Variants in DCAF10 observed in about 807,000 individuals in gnomAD.
DCAF10 encodes the protein DDB1 and CUL4 associated factor 10.
A neutral mutation model predicts 51.9 loss-of-function variants in DCAF10; 19 were observed. The observed-to-expected ratio is 0.37, with a 90% CI of 0.26 to 0.54. The LOEUF (loss-of-function observed/expected upper bound fraction) is 0.54. Ranked by LOEUF, DCAF10 falls within the 20% of genes least tolerant of loss-of-function variation. The pLI is 0.87. For missense variants in DCAF10, 510 were observed against 730.6 expected (o/e 0.70, Z 3.48); for synonymous variants, 291 against 297.1 (o/e 0.98, Z 0.21).
chr9:37,845,198 A>G (rs1429262225), intron 3 of DCAF10, among the ~76,000 whole-genome samples: 1 of 152,226 alleles, frequency 6.6e-6, no homozygotes, highest in Admixed American at 6.5e-5. Context: ...ACTGGAAAAA[A>G]GTAAAAGGAT....
chr9:37,832,533 G>A (rs957244360), intron 2 of DCAF10, among the ~76,000 whole-genome samples: 4 of 152,076 alleles, frequency 2.6e-5, no homozygotes, highest in Non-Finnish European at 5.9e-5. Flanking sequence ...CTTTGTTGGC[G>A]TGCTGCTGAT....
At position 37,863,688 on chromosome 9, in the gene DCAF10, C is replaced by A. The variant is rs1291890694; in HGVS notation, c.*2180C>A. 1 of 152,126 alleles carries A rather than the reference C, an allele frequency of 6.6e-6. No individual in the cohort carries two copies. The highest frequency in any genetic ancestry group is 1.5e-5 in the Non-Finnish European group (1 of 68,018). The allele number at this position is 152,126 out of a possible 1,614,324, so 9.4% of individuals were successfully genotyped here. A position where few individuals can be genotyped will look rare whatever the true frequency, so the allele number is the denominator to read the frequency against. On this transcript the variant is annotated 3_prime_UTR_variant, in exon 7 of 7. Coordinates refer to ENST00000377724, the MANE Select transcript of DCAF10 (RefSeq NM_024345.5). Reference sequence around the variant, plus strand: ...AACTGGCCAATAGATTTTAGAAAGGCAGGCATGGGAGTAGATGCTGAGAAT... The same window carrying A: ...AACTGGCCAATAGATTTTAGAAAGGAAGGCATGGGAGTAGATGCTGAGAAT...
At chr9:37,857,427 C>T in intron 5 of DCAF10, 76 bp downstream of exon 5, 1 of 1,104,074 alleles carries the variant, frequency 9.1e-7, no homozygotes, top group African/African-American at 1.6e-5. Context: ...TTGATTAAAA[C>T]CAGTTTTATG....
Position 37,854,844 on chromosome 9 carries a change from T to C in DCAF10, c.916T>C (p.Leu306=), listed in dbSNP as rs746550018. The C allele has an allele frequency of 8.7e-6, 14 of 1,613,930 alleles. No individual in the cohort carries two copies. The East Asian group carries it at 3.1e-4, about 36-fold the overall frequency. ...CACACGTTTTCTCATGCGAATGAGG[T>C]TAACACCAGATTGTTCCAAAATGTT... ...FHTRFLMRMR[L]TPDCSKMLIS... Residue 306 remains leucine, a synonymous_variant, in exon 4 of 7, where the codon TTA becomes CTA. Coordinates refer to ENST00000377724, the MANE Select transcript of DCAF10 (RefSeq NM_024345.5).
chr9:37,841,913 C>G (rs551704653), intron 2 of DCAF10, among the ~76,000 whole-genome samples, 176 bp from the exon 3 acceptor site: 1 of 152,122 alleles, frequency 6.6e-6, no homozygotes, highest in Non-Finnish European at 1.5e-5. Context: ...TATCCTGGCT[C>G]TGTGATTATG....
At chr9:37,813,162 G>A (rs1315368336) in intron 1 of DCAF10, among the ~76,000 whole-genome samples, 1 of 152,116 alleles carries the variant, frequency 6.6e-6, no homozygotes, top group Non-Finnish European at 1.5e-5. Context: ...GTTCATTGGT[G>A]CTGTCACAGC....
rs1831140322 is a variant in DCAF10, at chr9:37,866,506, C to T, written c.*4998C>T. 6.6e-6 allele frequency: 1 copy of T among 152,186 alleles called. No homozygotes were observed. Among genetic ancestry groups the T allele is most frequent in the African/African-American group, 2.4e-5 (1 of 41,426 alleles). 9.4% of individuals were successfully genotyped at this position (152,186 alleles called of 1,614,324 possible). A position where few individuals can be genotyped will look rare whatever the true frequency, so the allele number is the denominator to read the frequency against. On this transcript the variant is annotated 3_prime_UTR_variant, in exon 7 of 7. Transcript: ENST00000377724. ...TCTGCTAAGTAATTTGCTATGTCTT[C>T]TCCCACACTATCAATATGCCTGCTT...
intron 5 of DCAF10, among the ~76,000 whole-genome samples, chr9:37,859,037 T>G (rs939637449): frequency 3.3e-5 from 5 of 152,130 alleles, no homozygotes; most frequent in African/African-American, 7.2e-5. Flanking sequence ...GTTTTCCAAA[T>G]TAATTCTTAA....
At position 37,860,210 on chromosome 9, in the gene DCAF10, T is replaced by C. The variant is rs1332603563; in HGVS notation, c.1311+17T>C. 1 of 1,613,584 alleles carries C rather than the reference T, an allele frequency of 6.2e-7. No individual in the cohort carries two copies. The highest frequency in any genetic ancestry group is 1.3e-5 in the African/African-American group (1 of 74,874). ...GATGAGGAGGTACAGGCAGCAGCAC[T>C]CCACCTTCAACAGGGCTCATTGGAC... On this transcript the variant is annotated intron_variant, in intron 6 of 6. Coordinates refer to ENST00000377724, the MANE Select transcript of DCAF10 (RefSeq NM_024345.5).
intron 3 of DCAF10, among the ~76,000 whole-genome samples, chr9:37,849,031 A>C (rs1451167166): frequency 6.6e-6 from 1 of 152,042 alleles, no homozygotes; most frequent in Non-Finnish European, 1.5e-5. Context: ...TATGGCATGT[A>C]AGTTATACCT....
rs534783996 is a variant in DCAF10 at position 37,848,626 on chromosome 9, C to A, written c.852-6154C>A. Among the ~76,000 whole-genome samples, 7 of 152,166 alleles carry A rather than the reference C, an allele frequency of 4.6e-5. No homozygotes were observed. In the East Asian group the frequency reaches 1.4e-3, roughly 29 times the overall value. On this transcript the variant is annotated intron_variant, in intron 3 of 6. Coordinates refer to ENST00000377724, the MANE Select transcript of DCAF10 (RefSeq NM_024345.5). ...AATCTCTTAAGGTGATGAAAATGTT[C>A]TAAAACTGGATTGTGTTGATGATTG...
chr9:37,819,513 C>G, intron 2 of DCAF10, 112 bp downstream of exon 2: 3 of 645,054 alleles, frequency 4.7e-6, no homozygotes, highest in Non-Finnish European at 7.8e-6. Context: ...GCTAGATGAT[C>G]CACATTGTGA....
At position 37,801,017 on chromosome 9, in the gene DCAF10, G is replaced by T. The variant is rs751906495; in HGVS notation, c.151G>T (p.Ala51Ser). The change falls in exon 1 of 7, where the codon GCC becomes TCC. Residue 51 changes from alanine to serine, a missense_variant. Coordinates refer to ENST00000377724, the MANE Select transcript of DCAF10 (RefSeq NM_024345.5). This position sits in a 1 kb window ranked among gnomAD's most constrained non-coding sequence, Gnocchi z 5.5. ...GADATHPPPPARSPRRPGAPS... is the reference protein window; with the variant it reads ...GADATHPPPPSRSPRRPGAPS... ...TGATGCGACCCATCCCCCTCCACCC[G>T]CCCGAAGCCCTCGCCGCCCCGGCGC... 32 of 1,538,390 alleles carry T rather than the reference G, an allele frequency of 2.1e-5. 1 individual carries two copies. The Admixed American group carries it at 6.0e-4, about 29-fold the overall frequency.
chr9:37,809,869 G>A (rs1032917313), intron 1 of DCAF10, among the ~76,000 whole-genome samples: 10 of 147,826 alleles, frequency 6.8e-5, no homozygotes, highest in African/African-American at 2.2e-4. Context: ...GGAGCGGGGC[G>A]GCCGTGCGCG....
At chr9:37,828,430 C>G in intron 2 of DCAF10, among the ~76,000 whole-genome samples, 1 of 151,368 alleles carries the variant, frequency 6.6e-6, no homozygotes, top group Non-Finnish European at 1.5e-5. Context: ...AGCAAAATAG[C>G]AAGACCCCCT....
At chr9:37,851,646 T>C (rs1281200412) in intron 3 of DCAF10, among the ~76,000 whole-genome samples, 1 of 151,156 alleles carries the variant, frequency 6.6e-6, no homozygotes, top group East Asian at 2.0e-4. Flanking sequence ...AATACAAAAA[T>C]TAGCTGGGCG....
chr9:37,838,883 TAAAAA>T (rs1830251885), intron 2 of DCAF10, among the ~76,000 whole-genome samples: 1 of 151,604 alleles, frequency 6.6e-6, no homozygotes, highest in Admixed American at 6.6e-5. Context: ...AAAAAAAAAT[TAAAAA>T]GAAAAAAGGT....
intron 2 of DCAF10, among the ~76,000 whole-genome samples, chr9:37,825,949 C>T (rs1011458911): frequency 1.3e-5 from 2 of 151,776 alleles, no homozygotes; most frequent in Admixed American, 6.6e-5. Context: ...GCAGGAGAAT[C>T]GCTGGAACCC....
chr9:37,814,117 TA>T (rs1829447160), intron 1 of DCAF10, among the ~76,000 whole-genome samples: 1 of 90,240 alleles, frequency 1.1e-5, no homozygotes, highest in African/African-American at 4.3e-5. Flanking sequence ...TATATATATA[TA>T]TATATATATT....
Sources: allele counts gnomAD v4.1 joint callset (sites outside exome capture counted in the v4.1 genomes callset), GRCh38; gene constraint gnomAD v4.1.1; non-coding constraint Gnocchi (gnomAD v3.1); transcripts MANE v1.5; gene names NCBI Gene and HGNC (gene_info 2026-07-23, HGNC 2026-07-21).